DIAPH2: variants seen among roughly 807,000 people sequenced by gnomAD.
DIAPH2 encodes the protein diaphanous related formin 2, also known as protein diaphanous homolog 2.
DIAPH2 carries 35 observed loss-of-function variants against 92.7 expected under a neutral mutation model. The observed-to-expected ratio is 0.38, with a 90% CI of 0.29 to 0.50. The LOEUF (loss-of-function observed/expected upper bound fraction) is 0.50. Ranked by LOEUF, DIAPH2 falls within the 20% of genes least tolerant of loss-of-function variation. DIAPH2 has a pLI of 0.94. For missense variants in DIAPH2, 701 were observed against 819.5 expected, an observed-to-expected ratio of 0.86 and a Z score of 1.77; for synonymous variants, 301 against 280.4, an observed-to-expected ratio of 1.07 and a Z score of -0.73.
chrX:97,231,362 G>C (rs1157946302), intron 22 of DIAPH2, among the ~76,000 whole-genome samples: 3 of 108,687 alleles, frequency 2.8e-5, no homozygotes, highest in Non-Finnish European at 5.7e-5. Flanking sequence ...GAATAGTTCA[G>C]TCATCTCTTA....
At chrX:97,558,366 G>A (rs746589991) in intron 26 of DIAPH2, among the ~76,000 whole-genome samples, 29 of 112,116 alleles carry the variant, frequency 2.6e-4, no homozygotes, top group Non-Finnish European at 1.1e-4. Context: ...ACAGTGTAGT[G>A]AGGATCCAAG....
chrX:97,325,832 C>G (rs1204839123), intron 23 of DIAPH2, among the ~76,000 whole-genome samples: 2 of 111,847 alleles, frequency 1.8e-5, no homozygotes, highest in African/African-American at 6.5e-5. Context: ...CTGCCTTGGC[C>G]TCCCAAAGTG....
intron 23 of DIAPH2, among the ~76,000 whole-genome samples, chrX:97,279,081 G>A (rs1444058655): frequency 9.0e-6 from 1 of 111,621 alleles, no homozygotes; most frequent in African/African-American, 3.2e-5. Flanking sequence ...AGAAAAGAAA[G>A]CCTGGGGAAA....
intron 4 of DIAPH2, among the ~76,000 whole-genome samples, chrX:96,829,447 A>G (rs199872427): frequency 1.8e-5 from 1 of 56,811 alleles, no homozygotes; most frequent in African/African-American, 1.5e-4. Flanking sequence ...ATATGTATAT[A>G]TATATATATA....
rs1406616857 is a variant in DIAPH2, at chrX:96,813,718, G to A, written c.447+55460G>A. ...TCAGGAGCTCTTGTAAGGCAGGCCTGGTGGTGACAAAATCCCTCAGCATTT... is the reference window on the plus strand; with the variant it reads ...TCAGGAGCTCTTGTAAGGCAGGCCTAGTGGTGACAAAATCCCTCAGCATTT... On this transcript the variant is annotated intron_variant, in intron 4 of 26. Transcript: ENST00000324765. Among the ~76,000 whole-genome samples the A allele has an allele frequency of 1.1e-4, 12 of 111,667 alleles. No individual in the cohort carries two copies. In the Admixed American group the frequency reaches 1.1e-3, roughly 11 times the overall value.
intron 22 of DIAPH2, among the ~76,000 whole-genome samples, chrX:97,148,048 G>A: frequency 9.0e-6 from 1 of 111,397 alleles, no homozygotes; most frequent in Middle Eastern, 4.6e-3. Flanking sequence ...CTCCACAGCT[G>A]GTTGAAGCTT....
At chrX:96,968,210 A>T (rs1476860313) in intron 17 of DIAPH2, among the ~76,000 whole-genome samples, 1 of 107,784 alleles carries the variant, frequency 9.3e-6, no homozygotes, top group African/African-American at 3.4e-5. Context: ...TTTTATTTTT[A>T]TTTTATTTAT....
intron 23 of DIAPH2, among the ~76,000 whole-genome samples, chrX:97,254,492 CAAAAAAAAAA>C (rs1172020847): frequency 3.4e-5 from 1 of 29,060 alleles, no homozygotes; most frequent in African/African-American, 1.1e-4. Context: ...AACTCTGTCT[CAAAAAAAAAA>C]AAAAAAAAAA....
chrX:96,789,002 G>A (rs2064479624), intron 4 of DIAPH2, among the ~76,000 whole-genome samples: 1 of 112,298 alleles, frequency 8.9e-6, no homozygotes, highest in Admixed American at 9.4e-5. Context: ...TTCCCACTTT[G>A]GGGGATTTGT....
intron 26 of DIAPH2, among the ~76,000 whole-genome samples, chrX:97,429,966 A>T (rs1040780786): frequency 1.8e-5 from 2 of 112,094 alleles, no homozygotes; most frequent in African/African-American, 6.5e-5. Flanking sequence ...TACAACAAAA[A>T]TCAGAAACAA....
At chrX:96,813,232 T>C (rs1328868639) in intron 4 of DIAPH2, among the ~76,000 whole-genome samples, 2 of 111,826 alleles carry the variant, frequency 1.8e-5, no homozygotes, top group African/African-American at 3.3e-5. Context: ...ATATTTAGGA[T>C]AGTTAGCTCT....
At chrX:96,767,201 AT>A (rs1400868676) in intron 4 of DIAPH2, among the ~76,000 whole-genome samples, 1 of 111,195 alleles carries the variant, frequency 9.0e-6, no homozygotes, top group African/African-American at 3.3e-5. Flanking sequence ...GAATACTCCT[AT>A]TTTACTTTAT....
intron 25 of DIAPH2, among the ~76,000 whole-genome samples, chrX:97,403,597 T>C (rs2081648596): frequency 8.9e-6 from 1 of 112,158 alleles, no homozygotes; most frequent in African/African-American, 3.2e-5. Context: ...AGTAATGTAA[T>C]AGGACTTATA....
intron 1 of DIAPH2, among the ~76,000 whole-genome samples, chrX:96,692,315 G>A (rs1412582052): frequency 1.8e-5 from 2 of 111,628 alleles, no homozygotes; most frequent in East Asian, 2.8e-4. Context: ...ATACTGTCAC[G>A]TCTTTAAAAA....
rs11356320 is a variant in DIAPH2 at position 97,297,604 on chromosome X, C to CTTTT, written c.2844+49781_2844+49784dup. On this transcript the variant is annotated intron_variant, in intron 23 of 26. Coordinates refer to ENST00000324765, the MANE Select transcript of DIAPH2 (RefSeq NM_006729.5). ...TATTTTAGTGTTAATTTTTAGTGCA[C>CTTTT]TTTTTTTTTTTTTTTTTTTCAGTGT... 1.5e-3 allele frequency among the ~76,000 whole-genome samples: 111 copies of CTTTT among 72,914 alleles called. 3 individuals carry two copies. The highest frequency in any genetic ancestry group is 5.2e-3 in the African/African-American group (103 of 19,976). 63.3% of individuals were successfully genotyped at this position (72,914 alleles called of 115,157 possible). A position where few individuals can be genotyped will look rare whatever the true frequency, so the allele number is the denominator to read the frequency against.
intron 19 of DIAPH2, among the ~76,000 whole-genome samples, chrX:97,094,196 T>A (rs1446032906): frequency 1.8e-5 from 2 of 111,502 alleles, no homozygotes; most frequent in Non-Finnish European, 3.8e-5. Context: ...AGCTTGAGGA[T>A]GCCTAAGAGT....
At chrX:96,916,605 C>T (rs754862671) in intron 8 of DIAPH2, 31 bp downstream of exon 8, 1 of 1,163,095 alleles carries the variant, frequency 8.6e-7, no homozygotes, top group South Asian at 2.0e-5. Context: ...ATATTTGCTG[C>T]ATGGAAAATG....
intron 22 of DIAPH2, among the ~76,000 whole-genome samples, chrX:97,207,636 C>T (rs1179281391): frequency 1.8e-5 from 2 of 110,984 alleles, no homozygotes; most frequent in African/African-American, 6.6e-5. Flanking sequence ...AATTGGACCC[C>T]CACTTTTTTT....
intron 5 of DIAPH2, among the ~76,000 whole-genome samples, chrX:96,901,532 G>GTTTTTTTTTT (rs369526046): frequency 3.0e-5 from 1 of 33,083 alleles, no homozygotes; most frequent in Non-Finnish European, 6.1e-5. Context: ...TTTTCTTTCT[G>GTTTTTTTTTT]TTTTTTTTTT....
Sources: allele counts gnomAD v4.1 joint callset (sites outside exome capture counted in the v4.1 genomes callset), GRCh38; gene constraint gnomAD v4.1.1; transcripts MANE v1.5; gene names NCBI Gene and HGNC (gene_info 2026-07-23, HGNC 2026-07-21).